Variants in GLIS3 observed in about 807,000 individuals in gnomAD.
GLIS3 encodes zinc finger protein GLIS3.
GLIS3 carries 53 observed loss-of-function variants against 78.6 expected under a neutral mutation model. That is an observed-to-expected ratio of 0.67 (90% CI 0.54 to 0.85). The LOEUF is 0.85. Ranked by LOEUF, GLIS3 falls within the 40% of genes least tolerant of loss-of-function variation. GLIS3 has a pLI of 0.00. For synonymous variants in GLIS3, 684 were observed against 509.9 expected (o/e 1.34, Z -4.60); for missense variants, 1,703 against 1,231.1 (o/e 1.38, Z -5.74).
chr9:4,164,049 C>A (rs1483195880), intron 2 of GLIS3, among the ~76,000 whole-genome samples: 1 of 152,166 alleles, frequency 6.6e-6, no homozygotes, highest in Non-Finnish European at 1.5e-5. Context: ...CCAATTGTCA[C>A]GTCTTCCTCT....
the GLIS3 span, among the ~76,000 whole-genome samples, chr9:4,476,214 A>G: frequency 5.3e-5 from 8 of 152,260 alleles, no homozygotes; most frequent in Admixed American, 1.3e-4. Context: ...TCATAGCTGT[A>G]TATCAAATTG....
chr9:3,969,183 A>C (rs184896089), intron 4 of GLIS3, among the ~76,000 whole-genome samples: 314 of 152,336 alleles, frequency 2.1e-3, no homozygotes, highest in Non-Finnish European at 2.2e-3. Context: ...AATGAGCCTC[A>C]CTGTTCGAAG....
intron 2 of GLIS3, among the ~76,000 whole-genome samples, chr9:4,329,856 G>A (rs916891587): frequency 3.9e-5 from 6 of 152,124 alleles, no homozygotes; most frequent in African/African-American, 1.4e-4. Context: ...TGATGAATTC[G>A]ACTGAAACAG....
the GLIS3 span, among the ~76,000 whole-genome samples, chr9:4,354,902 G>A: frequency 6.6e-6 from 1 of 152,194 alleles, no homozygotes; most frequent in Admixed American, 6.5e-5. Flanking sequence ...GGATCACTAG[G>A]TCAGGAGATC....
In GLIS3 at chr9:4,340,815, C is replaced by T. The variant is rs533966082; in HGVS notation, n.264+6266G>A. On this transcript the variant is annotated intron_variant and non_coding_transcript_variant, in intron 2 of 4. Coordinates refer to the GLIS3 transcript ENST00000471664. ...GTTCAAGCAATTGTCCCTGCCTCAG[C>T]CACCCAAGTAGCTAGGATTATAGGT... Among the ~76,000 whole-genome samples the T allele has an allele frequency of 2.0e-3, 298 of 152,244 alleles. 1 individual carries two copies. Among genetic ancestry groups the T allele is most frequent in the South Asian group, 5.2e-3 (25 of 4,806 alleles).
intron 9 of GLIS3, among the ~76,000 whole-genome samples, chr9:3,851,093 G>T (rs1424225896): frequency 2.0e-5 from 3 of 152,188 alleles, no homozygotes; most frequent in Non-Finnish European, 4.4e-5. Context: ...TCCTTGATGG[G>T]CCCAGAAGCA....
chr9:3,890,131 G>C (rs77527251), intron 7 of GLIS3, among the ~76,000 whole-genome samples: 1 of 152,116 alleles, frequency 6.6e-6, no homozygotes, highest in Non-Finnish European at 1.5e-5. Context: ...TGCATTGGCC[G>C]AGGCCATCAA....
intron 2 of GLIS3, among the ~76,000 whole-genome samples, chr9:4,199,689 G>C (rs1269451182): frequency 6.6e-6 from 1 of 151,994 alleles, no homozygotes; most frequent in Admixed American, 6.6e-5. Flanking sequence ...AAAAGACTTA[G>C]AGAGCATTAT....
chr9:4,299,248 C>G (rs1230882259), intron 1 of GLIS3, 173 bp downstream of exon 1: 1 of 152,184 alleles, frequency 6.6e-6, no homozygotes, highest in Non-Finnish European at 1.5e-5. Flanking sequence ...CCTGTGACGC[C>G]GGGAGTTGAG....
chr9:4,389,438 C>T, the GLIS3 span, among the ~76,000 whole-genome samples: 3 of 152,164 alleles, frequency 2.0e-5, no homozygotes, highest in Admixed American at 6.5e-5. Context: ...GCCTGGATAT[C>T]GCACAGTGCA....
At chr9:4,013,339 T>C (rs1301031453) in intron 4 of GLIS3, among the ~76,000 whole-genome samples, 1 of 152,212 alleles carries the variant, frequency 6.6e-6, no homozygotes, top group African/African-American at 2.4e-5. Context: ...CTTGTATATT[T>C]TCTTTTTTAA....
chr9:4,061,700 T>C (rs993623890), intron 4 of GLIS3, among the ~76,000 whole-genome samples: 1 of 152,168 alleles, frequency 6.6e-6, no homozygotes, highest in African/African-American at 2.4e-5. Flanking sequence ...AATATCTGAA[T>C]TATCAAAAGC....
At chr9:4,285,153 C>T (rs1032385291) in intron 2 of GLIS3, among the ~76,000 whole-genome samples, 5 of 152,028 alleles carry the variant, frequency 3.3e-5, no homozygotes, top group East Asian at 1.9e-4. Flanking sequence ...ACATTTAAGA[C>T]GGAATGCTAA....
chr9:3,835,330 C>T (rs1818284316), intron 9 of GLIS3, among the ~76,000 whole-genome samples: 1 of 152,118 alleles, frequency 6.6e-6, no homozygotes, highest in African/African-American at 2.4e-5. Flanking sequence ...AATAGGAACC[C>T]CTCAAAAACA....
intron 2 of GLIS3, among the ~76,000 whole-genome samples, chr9:4,339,746 C>T (rs1239957270): frequency 1.5e-5 from 1 of 64,936 alleles, no homozygotes; most frequent in Non-Finnish European, 2.9e-5. Context: ...ACAAAAGAAG[C>T]TTCTCACTGG....
In GLIS3 at chr9:3,932,445, C is replaced by T. The variant is rs757071195; in HGVS notation, c.1898G>A (p.Gly633Glu). ...TGGGTCTGTGTAGCGTTTGGTACATCCTGGAATTTGACAAGCATAAGGTTT... is the reference window on the plus strand; with the variant it reads ...TGGGTCTGTGTAGCGTTTGGTACATTCTGGAATTTGACAAGCATAAGGTTT... The part of the protein sequence containing the change: ...DTKPYACQIP[G>E]CTKRYTDPSS... Residue 633 changes from glycine to glutamate, a missense_variant, in exon 6 of 11, where the codon GGA becomes GAA. Physicochemically the swap from Gly to Glu is moderately conservative, Grantham distance 98. Coordinates refer to ENST00000381971, the MANE Select transcript of GLIS3 (RefSeq NM_001042413.2). 3.1e-6 allele frequency: 5 copies of T among 1,613,438 alleles called. No individual in the cohort carries two copies. Among genetic ancestry groups the T allele is most frequent in the Non-Finnish European group, 4.2e-6 (5 of 1,179,548 alleles).
chr9:3,910,033 G>T (rs1361577560), intron 6 of GLIS3, among the ~76,000 whole-genome samples: 1 of 152,154 alleles, frequency 6.6e-6, no homozygotes. Flanking sequence ...TGATGACAGG[G>T]AACATCCTTC....
At chr9:4,104,944 T>A (rs1830641028) in intron 4 of GLIS3, among the ~76,000 whole-genome samples, 1 of 152,180 alleles carries the variant, frequency 6.6e-6, no homozygotes, top group South Asian at 2.1e-4. Context: ...GAGATAGTTG[T>A]TAGAGGCCTT....
intron 8 of GLIS3, among the ~76,000 whole-genome samples, chr9:3,872,905 A>G (rs540172075): frequency 1.5e-4 from 23 of 152,238 alleles, no homozygotes; most frequent in Non-Finnish European, 2.6e-4. Flanking sequence ...CCAGATTTGC[A>G]GGAAAAATAA....
Sources: allele counts gnomAD v4.1 joint callset (sites outside exome capture counted in the v4.1 genomes callset), GRCh38; gene constraint gnomAD v4.1.1; transcripts MANE v1.5; gene names NCBI Gene and HGNC (gene_info 2026-07-23, HGNC 2026-07-21).